OTOG: variants seen among roughly 807,000 people sequenced by gnomAD.
The protein encoded by OTOG is otogelin.
A neutral mutation model predicts 313.8 loss-of-function variants in OTOG; 296 were observed. The observed-to-expected ratio is 0.94, with a 90% CI of 0.86 to 1.04. OTOG has a LOEUF of 1.04. OTOG is among the 50% of genes least tolerant of loss of function. The probability of loss-of-function intolerance (pLI) is 0.00; values close to 1 mark genes in which losing one functional copy is unlikely to be tolerated. For missense variants in OTOG, 3,948 were observed against 3,840.1 expected (o/e 1.03, Z -0.74); for synonymous variants, 1,533 against 1,554.9 (o/e 0.99, Z 0.33).
chr11:17,577,780 A>G (rs1261998363), intron 22 of OTOG, among the ~76,000 whole-genome samples: 1 of 152,154 alleles, frequency 6.6e-6, no homozygotes, highest in African/African-American at 2.4e-5. Flanking sequence ...CATGGAACTC[A>G]GCTCCTTTTT....
At chr11:17,576,782 T>G in intron 21 of OTOG, 86 bp from the exon 22 acceptor site, 1 of 1,510,226 alleles carries the variant, frequency 6.6e-7, no homozygotes, top group Non-Finnish European at 9.0e-7. Context: ...TTCTGAACTC[T>G]GCAGTGACCC....
At chr11:17,622,551 C>T (rs528165753) in intron 39 of OTOG, among the ~76,000 whole-genome samples, 1 of 152,222 alleles carries the variant, frequency 6.6e-6, no homozygotes, top group East Asian at 1.9e-4. Context: ...CCCCTGTGTC[C>T]GTGAGTTCAA....
At chr11:17,603,755 A>G (rs539735744) in intron 32 of OTOG, among the ~76,000 whole-genome samples, 6 of 152,332 alleles carry the variant, frequency 3.9e-5, no homozygotes, top group Non-Finnish European at 7.4e-5. Flanking sequence ...GGTTATGCGA[A>G]GAAGTGGAGA....
At chr11:17,586,702 TTG>T in intron 24 of OTOG, 121 bp downstream of exon 24, 3 of 486,424 alleles carry the variant, frequency 6.2e-6, no homozygotes, top group Middle Eastern at 6.1e-4. Context: ...TGTTGTGCGT[TTG>T]TGTGTTGTGT....
Position 17,640,897 on chromosome 11 carries a change from C to T in OTOG, c.8012-16C>T. The T allele has an allele frequency of 6.5e-7, 1 of 1,548,796 alleles. No individual in the cohort carries two copies. The highest frequency in any genetic ancestry group is 1.7e-4 in the Middle Eastern group (1 of 5,988). Reference sequence around the variant, plus strand: ...TGGGCTCTGGATGACTGTTGCCGCCCTGCATGCCCATCCAGTGAAGGCCCC... The same window carrying T: ...TGGGCTCTGGATGACTGTTGCCGCCTTGCATGCCCATCCAGTGAAGGCCCC... On this transcript the variant is annotated splice_polypyrimidine_tract_variant and intron_variant, in intron 50 of 55. Coordinates refer to ENST00000399397, the MANE Select transcript of OTOG (RefSeq NM_001292063.2).
Position 17,602,114 on chromosome 11 carries a change from G to T in OTOG, c.3710-96G>T, listed in dbSNP as rs1853269135. On this transcript the variant is annotated intron_variant, in intron 31 of 55. Transcript: ENST00000399397. ...ATCAAGAGTTCCTCCTTGGTAGCTT[G>T]CCCTCCCACCCCACTGCTGCCAAGG... is the stretch of plus-strand genomic sequence containing the variant. The T allele has an allele frequency of 5.9e-6, 8 of 1,364,150 alleles. No individual in the cohort carries two copies. In the Admixed American group the frequency reaches 9.2e-5, roughly 16 times the overall value. The allele number at this position is 1,364,150 out of a possible 1,614,324, so 84.5% of individuals were successfully genotyped here.
At chr11:17,604,607 CCT>C (rs1853336177) in intron 32 of OTOG, among the ~76,000 whole-genome samples, 2 of 152,214 alleles carry the variant, frequency 1.3e-5, no homozygotes, top group South Asian at 2.1e-4. Context: ...CACCTTTTAA[CCT>C]CTCATAGAAA....
chr11:17,591,895 A>G (rs1852950987), intron 25 of OTOG, among the ~76,000 whole-genome samples: 2 of 152,240 alleles, frequency 1.3e-5, no homozygotes, highest in Non-Finnish European at 2.9e-5. Context: ...CTAGGGGCAT[A>G]TTGAGCCATA....
Position 17,608,221 on chromosome 11 carries a change from G to T in OTOG, c.4157-75G>T, listed in dbSNP as rs557859048. On this transcript the variant is annotated intron_variant, in intron 33 of 55. Transcript: ENST00000399397. ...TCCATTTGTCCCCTCCACAGGATGG[G>T]GGGCAGGGCTGAGCTCTGGGACTCC... 3.0e-6 allele frequency: 3 copies of T among 993,442 alleles called. No individual in the cohort carries two copies. In the Admixed American group the frequency reaches 1.0e-4, roughly 34 times the overall value. 61.5% of individuals were successfully genotyped at this position (993,442 alleles called of 1,614,324 possible).
intron 12 of OTOG, among the ~76,000 whole-genome samples, chr11:17,559,864 A>G (rs1565092241): frequency 2.1e-5 from 3 of 140,088 alleles, no homozygotes; most frequent in African/African-American, 8.0e-5. Context: ...AAGGAAGGGA[A>G]GAAGGAAGGA....
At chr11:17,595,022 A>C (rs1209603448) in intron 28 of OTOG, among the ~76,000 whole-genome samples, 1 of 152,208 alleles carries the variant, frequency 6.6e-6, no homozygotes, top group African/African-American at 2.4e-5. Context: ...TGAGCGTTAC[A>C]TATTTGCCTC....
rs7129070 is a variant in OTOG at position 17,602,919 on chromosome 11, G to T, written c.3877+542G>T. ...CCAAAGGCGGAACACGGGGGAGGGGGCCCCCAACTCAGTCTTAGAGTCAGG... is the reference window on the plus strand; with the variant it reads ...CCAAAGGCGGAACACGGGGGAGGGGTCCCCCAACTCAGTCTTAGAGTCAGG... On this transcript the variant is annotated intron_variant, in intron 32 of 55. Transcript: ENST00000399397. 1.7e-3 allele frequency among the ~76,000 whole-genome samples: 261 copies of T among 152,332 alleles called. 1 individual carries two copies. The highest frequency in any genetic ancestry group is 5.2e-3 in the African/African-American group (218 of 41,572).
At chr11:17,605,665 G>A (rs1853364772) in intron 32 of OTOG, among the ~76,000 whole-genome samples, 192 bp from the exon 33 acceptor site, 1 of 152,112 alleles carries the variant, frequency 6.6e-6, no homozygotes, top group African/African-American at 2.4e-5. Flanking sequence ...TCGCCCTCAG[G>A]CAGAGATGGT....
chr11:17,597,522 T>A (rs1853141749), intron 30 of OTOG, among the ~76,000 whole-genome samples: 1 of 152,222 alleles, frequency 6.6e-6, no homozygotes, highest in Non-Finnish European at 1.5e-5. Flanking sequence ...GCAGCACAGA[T>A]GATCAGTTTA....
chr11:17,574,318 G>GTA (rs1852469162), intron 19 of OTOG, among the ~76,000 whole-genome samples: 1 of 151,458 alleles, frequency 6.6e-6, no homozygotes, highest in African/African-American at 2.4e-5. Flanking sequence ...GGGTAGGAGT[G>GTA]TGTGTGTGTG....
chr11:17,610,021 T>C lies in OTOG; in HGVS notation c.4721T>C (p.Leu1574Pro). 1.9e-6 allele frequency: 3 copies of C among 1,547,668 alleles called. No homozygotes were observed. The South Asian group carries it at 3.6e-5, about 18-fold the overall frequency. Residue 1574 changes from leucine to proline, a missense_variant, in exon 36 of 56, where the codon CTG (leucine) becomes CCG (proline). Physicochemically the swap from Leu to Pro is moderately conservative, Grantham distance 98. Coordinates refer to ENST00000399397, the MANE Select transcript of OTOG (RefSeq NM_001292063.2). Reference protein sequence around the residue: ...TPESSSLPVALQTPTPGMVSG... With the variant: ...TPESSSLPVAPQTPTPGMVSG... ...GAGTCCTCATCCCTCCCTGTTGCAC[T>C]GCAGACACCCACACCTGGCATGGTG...
At chr11:17,592,867 C>A (rs908325281) in intron 25 of OTOG, among the ~76,000 whole-genome samples, 1 of 152,206 alleles carries the variant, frequency 6.6e-6, no homozygotes, top group South Asian at 2.1e-4. Context: ...AATTCCCCTG[C>A]AAAAAGCTTA....
intron 15 of OTOG, among the ~76,000 whole-genome samples, chr11:17,563,853 GGTTTTTTTTTTTT>G (rs1283533329): frequency 7.5e-6 from 1 of 133,406 alleles, no homozygotes; most frequent in African/African-American, 3.1e-5. Context: ...GCTAGTTTTT[GGTTTTTTTTTTTT>G]TTTTTTTTTT....
rs1257243835 is a variant in OTOG, at chr11:17,606,109, G to C, written c.4130G>C (p.Arg1377Pro). ...CTGTACGAACACACAGAGGTGTTCC[G>C]CCGGGGCACACTCTTCCGCCTTCTG... ...LRLYEHTEVF[R>P]RGTLFRLLDA... Residue 1377 changes from arginine (R) to proline (P), a missense_variant, in exon 33 of 56, where the codon CGC becomes CCC. Transcript: ENST00000399397. The C allele has an allele frequency of 7.1e-6, 11 of 1,543,950 alleles. 1 individual carries two copies. The East Asian group carries it at 1.7e-4, about 24-fold the overall frequency.
Sources: allele counts gnomAD v4.1 joint callset (sites outside exome capture counted in the v4.1 genomes callset), GRCh38; gene constraint gnomAD v4.1.1; transcripts MANE v1.5; gene names NCBI Gene and HGNC (gene_info 2026-07-23, HGNC 2026-07-21).